PPP2R2C: variants seen among roughly 807,000 people sequenced by gnomAD.
PPP2R2C encodes protein phosphatase 2 regulatory subunit Bgamma, also known as protein phosphatase 2, regulatory subunit B, gamma.
In PPP2R2C, 10 loss-of-function variants were observed where a neutral mutation model predicts 45.3. The observed-to-expected ratio is 0.22, with a 90% CI of 0.14 to 0.37. The LOEUF (loss-of-function observed/expected upper bound fraction) is 0.37, where lower values mean the gene tolerates loss of function less well. PPP2R2C is among the 10% of genes least tolerant of loss of function. PPP2R2C has a pLI of 1.00. For synonymous variants in PPP2R2C, 257 were observed against 245.4 expected, an observed-to-expected ratio of 1.05 and a Z score of -0.44; for missense variants, 308 against 619.7, an observed-to-expected ratio of 0.50 and a Z score of 5.34.
chr4:6,511,543 G>A (rs865974057), intron 2 of PPP2R2C, among the ~76,000 whole-genome samples: 195 of 10,772 alleles, frequency 0.018, 21 homozygotes, highest in African/African-American at 0.039. Flanking sequence ...GGTGGTGGTG[G>A]TGATGGTGGT....
At position 6,330,352 on chromosome 4, in the gene PPP2R2C, T is replaced by C. The variant is rs771565866; in HGVS notation, c.961-999A>G. Among the ~76,000 whole-genome samples, 6 of 151,894 alleles carry C rather than the reference T, an allele frequency of 4.0e-5. No homozygotes were observed. Among genetic ancestry groups the C allele is most frequent in the Non-Finnish European group, 8.8e-5 (6 of 67,960 alleles). ...CAACGAACACAGAAAATGTGAAGGG[T>C]GGTGTGAACGTCAATTTCGTGTGTC... On this transcript the variant is annotated intron_variant, in intron 7 of 8. Coordinates refer to ENST00000382599, the MANE Select transcript of PPP2R2C (RefSeq NM_020416.4). This position sits in a 1 kb window ranked among gnomAD's most constrained non-coding sequence, Gnocchi z 7.0.
At chr4:6,416,822 G>T (rs1433034998) in intron 1 of PPP2R2C, among the ~76,000 whole-genome samples, 1 of 152,208 alleles carries the variant, frequency 6.6e-6, no homozygotes, top group Non-Finnish European at 1.5e-5. Flanking sequence ...TTCCAAGCCT[G>T]CTGGGCTCCC....
intron 6 of PPP2R2C, among the ~76,000 whole-genome samples, chr4:6,346,667 G>A (rs1378729564): frequency 6.6e-6 from 1 of 152,208 alleles, no homozygotes; most frequent in Non-Finnish European, 1.5e-5. Flanking sequence ...GTGGATGTGG[G>A]GGCCAGAACT....
At chr4:6,390,725 G>C (rs1716565665) in intron 1 of PPP2R2C, among the ~76,000 whole-genome samples, 1 of 152,162 alleles carries the variant, frequency 6.6e-6, no homozygotes. Flanking sequence ...TATGTGAGGG[G>C]TCTGAGAGCC....
chr4:6,437,602 C>T (rs1037572935), intron 1 of PPP2R2C, among the ~76,000 whole-genome samples: 5 of 152,178 alleles, frequency 3.3e-5, no homozygotes, highest in African/African-American at 1.2e-4. Context: ...ATGTCCCTTA[C>T]TATCTGTTTT....
chr4:6,416,881 C>CG lies in PPP2R2C; in HGVS notation c.71-35788dup, dbSNP rs909766747. On this transcript the variant is annotated intron_variant, in intron 1 of 8. Coordinates refer to ENST00000382599, the MANE Select transcript of PPP2R2C (RefSeq NM_020416.4). ...CCTGGCCTCTCTCCCTTCCCCCTGT[C>CG]GGGGGGAGACTGACTGACGCTGGAG... Among the ~76,000 whole-genome samples, 27 of 152,246 alleles carry CG rather than the reference C, an allele frequency of 1.8e-4. 1 individual carries two copies. Among genetic ancestry groups the CG allele is most frequent in the Admixed American group, 9.2e-4 (14 of 15,300 alleles).
At chr4:6,470,919 C>T (rs1324245572) in intron 1 of PPP2R2C, among the ~76,000 whole-genome samples, 3 of 151,940 alleles carry the variant, frequency 2.0e-5, no homozygotes, top group South Asian at 2.1e-4. Context: ...GTCCCACGCC[C>T]AGCCTCTGCC....
Position 6,511,849 on chromosome 4 carries a change from GTGGTGGTGGTGGTGA to G in PPP2R2C, c.49+23407_49+23421del, listed in dbSNP as rs1560594516. ...GGTGGTGGTGGTGATGGTGGTGGTG[GTGGTGGTGGTGGTGA>G]TGGTGGTGGTGGTGGTGGTGGTGGT... On this transcript the variant is annotated intron_variant, in intron 2 of 9. Coordinates refer to the PPP2R2C transcript ENST00000506140. Among the ~76,000 whole-genome samples, 24 of 60,280 alleles carry G rather than the reference GTGGTGGTGGTGGTGA, an allele frequency of 4.0e-4. 1 individual carries two copies. Among genetic ancestry groups the G allele is most frequent in the Admixed American group, 8.2e-4 (5 of 6,102 alleles). 39.5% of individuals were successfully genotyped at this position (60,280 alleles called of 152,430 possible). A position where few individuals can be genotyped will look rare whatever the true frequency, so the allele number is the denominator to read the frequency against.
intron 5 of PPP2R2C, among the ~76,000 whole-genome samples, chr4:6,366,028 G>T (rs1714268298): frequency 1.3e-5 from 2 of 152,200 alleles, no homozygotes; most frequent in African/African-American, 4.8e-5. Context: ...AACAGACGTT[G>T]AAACTGCACC....
chr4:6,520,312 G>T (rs1180764417), intron 2 of PPP2R2C, among the ~76,000 whole-genome samples: 1 of 152,174 alleles, frequency 6.6e-6, no homozygotes, highest in African/African-American at 2.4e-5. Flanking sequence ...TCTGTCAACA[G>T]CCAACATTAC....
intron 1 of PPP2R2C, among the ~76,000 whole-genome samples, chr4:6,425,476 A>C (rs1386494170): frequency 6.6e-6 from 1 of 152,182 alleles, no homozygotes; most frequent in Non-Finnish European, 1.5e-5. Context: ...TGCTGCTGGA[A>C]GTCTGGGGGT....
chr4:6,462,955 G>A (rs1369508389), intron 1 of PPP2R2C, among the ~76,000 whole-genome samples: 1 of 152,212 alleles, frequency 6.6e-6, no homozygotes, highest in Non-Finnish European at 1.5e-5. Flanking sequence ...CCCTTCCACA[G>A]AGTGATGAGG....
chr4:6,416,004 C>T (rs1237354233), intron 1 of PPP2R2C, among the ~76,000 whole-genome samples: 1 of 152,196 alleles, frequency 6.6e-6, no homozygotes, highest in African/African-American at 2.4e-5. Flanking sequence ...TGACCAGCAC[C>T]CCAGGACCAA....
chr4:6,373,546 C>T lies in PPP2R2C; in HGVS notation c.448-846G>A, dbSNP rs529530050. Among the ~76,000 whole-genome samples, 30 of 152,320 alleles carry T rather than the reference C, an allele frequency of 2.0e-4. No homozygotes were observed. The East Asian group carries it at 5.0e-3, about 25-fold the overall frequency. ...CTAGGGATCAGCTACGGGAGCAAGG[C>T]GTCACCTCTTGTTTATCTCTCCATC... On this transcript the variant is annotated intron_variant, in intron 4 of 8. Transcript: ENST00000382599.
At chr4:6,410,287 T>C (rs1231099480) in intron 1 of PPP2R2C, among the ~76,000 whole-genome samples, 1 of 152,182 alleles carries the variant, frequency 6.6e-6, no homozygotes, top group Non-Finnish European at 1.5e-5. Flanking sequence ...GCGTCCCATG[T>C]TCTACAAACC....
intron 1 of PPP2R2C, among the ~76,000 whole-genome samples, chr4:6,407,400 G>T (rs1411564590): frequency 6.7e-6 from 1 of 148,506 alleles, no homozygotes; most frequent in African/African-American, 2.6e-5. Flanking sequence ...TGGTTTTTTT[G>T]TTTGTTTGTT....
intron 1 of PPP2R2C, among the ~76,000 whole-genome samples, chr4:6,404,266 C>T (rs1358089678): frequency 6.6e-6 from 1 of 152,180 alleles, no homozygotes; most frequent in East Asian, 1.9e-4. Context: ...CTGAAGGTGC[C>T]TTGATGTCCC....
intron 5 of PPP2R2C, among the ~76,000 whole-genome samples, chr4:6,370,622 G>T (rs991869067): frequency 6.6e-6 from 1 of 152,168 alleles, no homozygotes; most frequent in African/African-American, 2.4e-5. Context: ...ATTCTGGGAG[G>T]GTGGGGCCCC....
chr4:6,479,574 G>C (rs1194068256), intron 2 of PPP2R2C, among the ~76,000 whole-genome samples: 2 of 152,170 alleles, frequency 1.3e-5, no homozygotes, highest in African/African-American at 4.8e-5. Context: ...TTCTGCCCCT[G>C]CACGAGTAAC....
Sources: gnomAD v4.1 joint callset for allele counts (sites outside exome capture counted in the v4.1 genomes callset) on GRCh38, gnomAD v4.1.1 for gene constraint, Gnocchi (gnomAD v3.1) non-coding constraint, MANE v1.5 for transcripts, NCBI Gene and HGNC (gene_info 2026-07-23, HGNC 2026-07-21) for gene names.